Variants in CAND2 observed in about 807,000 individuals in gnomAD.
CAND2 encodes cullin-associated NEDD8-dissociated protein 2.
CAND2 carries 62 observed loss-of-function variants against 98.9 expected under a neutral mutation model. The observed-to-expected ratio is 0.63, with a 90% confidence interval of 0.51 to 0.77. The LOEUF (loss-of-function observed/expected upper bound fraction) is 0.77, where lower values mean the gene tolerates loss of function less well. Among genes scored for constraint, CAND2 ranks in the 30% least tolerant of loss-of-function variants. The pLI is 0.00. For synonymous variants in CAND2, 770 were observed against 731.9 expected (o/e 1.05, Z -0.84); for missense variants, 1,501 against 1,655.2 (o/e 0.91, Z 1.62).
chr3:12,822,920 CCCTG>C (rs976979639), intron 11 of CAND2, among the ~76,000 whole-genome samples: 42 of 152,238 alleles, frequency 2.8e-4, no homozygotes, highest in African/African-American at 8.4e-4. Flanking sequence ...TTCTTTCCCT[CCCTG>C]CCTCTCTTTC....
chr3:12,826,573 G>A (rs1305279190), intron 12 of CAND2, among the ~76,000 whole-genome samples: 4 of 151,466 alleles, frequency 2.6e-5, no homozygotes, highest in Non-Finnish European at 2.9e-5. Context: ...GACTACAGGC[G>A]TGTACCACCA....
chr3:12,817,736 A>T lies in CAND2; in HGVS notation c.2804A>T (p.Glu935Val). ...CCTGACAGCCTGAAGCCCTACGCCGAGGACATCTGGGCCTTGCTGTTCCAG... is the reference window on the plus strand; with the variant it reads ...CCTGACAGCCTGAAGCCCTACGCCGTGGACATCTGGGCCTTGCTGTTCCAG... ...AQPDSLKPYA[E>V]DIWALLFQRC... The change falls in exon 10 of 15, where the codon GAG becomes GTG. Residue 935 changes from glutamate (E) to valine (V), a missense_variant. Physicochemically the swap from Glu to Val is moderately radical, Grantham distance 121. Coordinates refer to ENST00000456430, the MANE Select transcript of CAND2 (RefSeq NM_001162499.2). 1.3e-6 allele frequency: 2 copies of T among 1,585,596 alleles called. No individual in the cohort carries two copies. The highest frequency in any genetic ancestry group is 1.7e-6 in the Non-Finnish European group (2 of 1,165,986).
chr3:12,801,965 G>A (rs1204358577), intron 1 of CAND2, among the ~76,000 whole-genome samples: 4 of 152,164 alleles, frequency 2.6e-5, no homozygotes, highest in African/African-American at 9.7e-5. Flanking sequence ...GACAGGGCTC[G>A]CCCTCCTCCA....
At chr3:12,826,572 C>T (rs1004662168) in intron 12 of CAND2, among the ~76,000 whole-genome samples, 3 of 152,124 alleles carry the variant, frequency 2.0e-5, no homozygotes, top group Admixed American at 6.6e-5. Context: ...GGACTACAGG[C>T]GTGTACCACC....
chr3:12,810,909 G>T (rs1217928295), intron 5 of CAND2, among the ~76,000 whole-genome samples: 1 of 152,216 alleles, frequency 6.6e-6, no homozygotes, highest in African/African-American at 2.4e-5. Flanking sequence ...TTGCAGTCCA[G>T]CTCTCTGCCT....
intron 7 of CAND2, among the ~76,000 whole-genome samples, chr3:12,814,719 C>G (rs1328910445): frequency 6.6e-6 from 1 of 152,156 alleles, no homozygotes; most frequent in African/African-American, 2.4e-5. Flanking sequence ...AATTGATTCT[C>G]CAAGTCTACA....
intron 13 of CAND2, among the ~76,000 whole-genome samples, chr3:12,830,103 T>TGG (rs1457917680): frequency 6.6e-6 from 1 of 152,126 alleles, no homozygotes; most frequent in South Asian, 2.1e-4. Context: ...ACTCCAGACT[T>TGG]GGAGTTCCTG....
At chr3:12,822,085 G>T (rs2061960788) in intron 11 of CAND2, among the ~76,000 whole-genome samples, 1 of 152,088 alleles carries the variant, frequency 6.6e-6, no homozygotes, top group Non-Finnish European at 1.5e-5. Flanking sequence ...TGACTTTCTA[G>T]TTCCATTATT....
Position 12,816,560 on chromosome 3 carries a change from TG to T in CAND2, c.1630del (p.Val544CysfsTer44). The T allele has an allele frequency of 6.2e-7, 1 of 1,613,924 alleles. No individual in the cohort carries two copies. The highest frequency in any genetic ancestry group is 8.5e-7 in the Non-Finnish European group (1 of 1,180,004). Reference protein sequence around the residue: ...SFYKIAAEALVVLQELVRALW... With the variant: ...SFYKIAAEALXVLQELVRALW... ...TACAAGATTGCAGCCGAGGCCCTGG[TG>T]GTGCTGCAGGAGCTGGTGCGGGCCC... On this transcript the variant is annotated frameshift_variant, in exon 10 of 15. Coordinates refer to ENST00000456430, the MANE Select transcript of CAND2 (RefSeq NM_001162499.2). LOFTEE classifies it high-confidence loss of function.
chr3:12,832,827 G>C (rs1261374672), intron 14 of CAND2: 2 of 152,212 alleles, frequency 1.3e-5, no homozygotes. Context: ...GAGTATTCAT[G>C]TATTTGATTA....
At chr3:12,801,625 C>T (rs1049896974) in intron 1 of CAND2, among the ~76,000 whole-genome samples, 13 of 152,226 alleles carry the variant, frequency 8.5e-5, no homozygotes, top group Non-Finnish European at 1.8e-4. Flanking sequence ...ATGAATCCCT[C>T]ACCTCCGGGT....
chr3:12,808,201 C>T lies in CAND2; in HGVS notation c.368-9C>T. On this transcript the variant is annotated splice_polypyrimidine_tract_variant and intron_variant, in intron 3 of 14. Coordinates refer to ENST00000456430, the MANE Select transcript of CAND2 (RefSeq NM_001162499.2). ...GGGCCTCACTGTGCCCACCTTGTGCCCTGTGCAGGCTCCGGGCTGGCCACC... is the reference window on the plus strand; with the variant it reads ...GGGCCTCACTGTGCCCACCTTGTGCTCTGTGCAGGCTCCGGGCTGGCCACC... The T allele has an allele frequency of 6.4e-7, 1 of 1,550,802 alleles. No individual in the cohort carries two copies. The highest frequency in any genetic ancestry group is 8.7e-7 in the Non-Finnish European group (1 of 1,146,838).
In CAND2 at chr3:12,816,855, A is replaced by G. The variant is rs750158033; in HGVS notation, c.1923A>G (p.Pro641=). The part of the protein sequence containing the change: ...IKALTLVAVS[P]LQLDLQPILA... ...CGCTTACGCTGGTGGCCGTATCCCC[A>G]CTACAGCTTGACCTACAGCCCATCC... Residue 641 remains proline (P), a synonymous_variant, in exon 10 of 15, where the codon CCA becomes CCG. Coordinates refer to ENST00000456430, the MANE Select transcript of CAND2 (RefSeq NM_001162499.2). 2 of 1,613,804 alleles carry G rather than the reference A, an allele frequency of 1.2e-6. No individual in the cohort carries two copies. Among genetic ancestry groups the G allele is most frequent in the South Asian group, 1.1e-5 (1 of 91,080 alleles).
chr3:12,801,034 A>ATT (rs372893921), intron 1 of CAND2, among the ~76,000 whole-genome samples: 1,104 of 100,680 alleles, frequency 0.011, 28 homozygotes, highest in African/African-American at 0.033. Flanking sequence ...GGAAATCAGT[A>ATT]TTTTTTTTTT....
intron 1 of CAND2, among the ~76,000 whole-genome samples, chr3:12,802,093 C>T (rs1402364510): frequency 2.6e-5 from 4 of 152,132 alleles, no homozygotes; most frequent in East Asian, 1.9e-4. Context: ...TTTGGGAGGC[C>T]GAGGTGGGCG....
Position 12,834,031 on chromosome 3 carries a change from C to G in CAND2, c.*49C>G, listed in dbSNP as rs778792837. The G allele has an allele frequency of 6.8e-7, 1 of 1,481,256 alleles. No individual in the cohort carries two copies. The highest frequency in any genetic ancestry group is 1.7e-5 in the Admixed American group (1 of 59,296). The allele number at this position is 1,481,256 out of a possible 1,614,324, so 91.8% of individuals were successfully genotyped here. A position where few individuals can be genotyped will look rare whatever the true frequency, so the allele number is the denominator to read the frequency against. ...CTCGCTTAAGAGAAAGGAGCCCACC[C>G]AAGTCCGAGGCCTCCCCATCCCACC... On this transcript the variant is annotated 3_prime_UTR_variant, in exon 15 of 15. Coordinates refer to ENST00000456430, the MANE Select transcript of CAND2 (RefSeq NM_001162499.2).
At chr3:12,804,333 C>T (rs1003588287) in intron 2 of CAND2, among the ~76,000 whole-genome samples, 5 of 151,808 alleles carry the variant, frequency 3.3e-5, no homozygotes, top group East Asian at 1.9e-4. Flanking sequence ...CATGGTGGTG[C>T]GTGCCTGTAA....
At chr3:12,820,627 A>G (rs1480020087) in intron 11 of CAND2, among the ~76,000 whole-genome samples, 2 of 152,166 alleles carry the variant, frequency 1.3e-5, no homozygotes, top group Non-Finnish European at 2.9e-5. Context: ...CCTGTCCACT[A>G]GATCGCCCTC....
At chr3:12,806,895 C>T (rs1352299450) in intron 2 of CAND2, among the ~76,000 whole-genome samples, 1 of 152,222 alleles carries the variant, frequency 6.6e-6, no homozygotes. Flanking sequence ...CCCTGGACCA[C>T]CTACAGTATC....
Sources: allele counts gnomAD v4.1 joint callset (sites outside exome capture counted in the v4.1 genomes callset), GRCh38; gene constraint gnomAD v4.1.1; transcripts MANE v1.5; gene names NCBI Gene and HGNC (gene_info 2026-07-23, HGNC 2026-07-21).